Variants in PBX3 observed in about 807,000 individuals in gnomAD.
PBX3 encodes the protein PBX homeobox 3, also known as pre-B-cell leukemia transcription factor 3.
Under a neutral mutation model 48.5 loss-of-function variants are expected in PBX3, and 14 were observed. The observed-to-expected ratio is 0.29, with a 90% CI of 0.19 to 0.45. PBX3 has a LOEUF of 0.45. Ranked by LOEUF, PBX3 falls within the 20% of genes least tolerant of loss-of-function variation. The pLI is 1.00. For synonymous variants in PBX3, 210 were observed against 200.3 expected (o/e 1.05, Z -0.41); for missense variants, 386 against 546.7 (o/e 0.71, Z 2.93).
chr9:125,819,625 A>G (rs1838588458), intron 2 of PBX3, among the ~76,000 whole-genome samples: 1 of 152,188 alleles, frequency 6.6e-6, no homozygotes, highest in Non-Finnish European at 1.5e-5. Flanking sequence ...CCCTGCTTGT[A>G]AGAAGAGGGT....
At chr9:125,834,238 C>T (rs189760981) in intron 2 of PBX3, among the ~76,000 whole-genome samples, 1 of 152,086 alleles carries the variant, frequency 6.6e-6, no homozygotes, top group Non-Finnish European at 1.5e-5. Flanking sequence ...GGGAAGGTTT[C>T]TGTAAGAGAA....
At chr9:125,948,367 A>C (rs1003289768) in intron 5 of PBX3, among the ~76,000 whole-genome samples, 27 of 152,216 alleles carry the variant, frequency 1.8e-4, no homozygotes, top group African/African-American at 6.3e-4. Context: ...TCAGTAAATA[A>C]ATTTTAAACA....
At chr9:125,859,888 A>G (rs1839817306) in intron 2 of PBX3, among the ~76,000 whole-genome samples, 1 of 152,208 alleles carries the variant, frequency 6.6e-6, no homozygotes, top group Non-Finnish European at 1.5e-5. Flanking sequence ...CTCTTCTTAT[A>G]TAGGGTTGGC....
intron 2 of PBX3, among the ~76,000 whole-genome samples, chr9:125,782,003 A>G (rs1837333465): frequency 6.6e-6 from 1 of 151,740 alleles, no homozygotes; most frequent in South Asian, 2.1e-4. Flanking sequence ...TTTGTGTATA[A>G]TTTTTGGATA....
At chr9:125,865,810 A>G (rs1839965391) in intron 2 of PBX3, among the ~76,000 whole-genome samples, 1 of 152,186 alleles carries the variant, frequency 6.6e-6, no homozygotes, top group South Asian at 2.1e-4. Flanking sequence ...GAAGAATATG[A>G]AATTGTCATT....
intron 2 of PBX3, among the ~76,000 whole-genome samples, chr9:125,830,053 A>G (rs997658595): frequency 6.6e-6 from 1 of 152,206 alleles, no homozygotes; most frequent in African/African-American, 2.4e-5. Context: ...AGCTCTTACA[A>G]CAGGAAGCTT....
At chr9:125,952,299 C>G (rs181110857) in intron 5 of PBX3, among the ~76,000 whole-genome samples, 9 of 152,262 alleles carry the variant, frequency 5.9e-5, no homozygotes. Context: ...AGTGCAGATC[C>G]TCTCCCTGAC....
chr9:125,814,653 G>C (rs1241090535), intron 2 of PBX3, among the ~76,000 whole-genome samples: 1 of 152,132 alleles, frequency 6.6e-6, no homozygotes, highest in Non-Finnish European at 1.5e-5. Flanking sequence ...CATGATTATT[G>C]ACCAGTACTG....
At chr9:125,845,157 G>A (rs1839395792) in intron 2 of PBX3, among the ~76,000 whole-genome samples, 1 of 151,734 alleles carries the variant, frequency 6.6e-6, no homozygotes, top group African/African-American at 2.4e-5. Flanking sequence ...TAAATCTTTC[G>A]GAAAACCTTG....
intron 2 of PBX3, among the ~76,000 whole-genome samples, chr9:125,856,398 A>G (rs909308439): frequency 1.3e-5 from 2 of 152,146 alleles, no homozygotes; most frequent in African/African-American, 4.8e-5. Context: ...TAATCTGGGC[A>G]TAAACACAAG....
intron 2 of PBX3, among the ~76,000 whole-genome samples, chr9:125,771,989 G>A (rs931680558): frequency 2.0e-5 from 3 of 152,148 alleles, no homozygotes; most frequent in South Asian, 4.1e-4. Context: ...TATAATTTAT[G>A]TTATGGCAGG....
intron 2 of PBX3, among the ~76,000 whole-genome samples, chr9:125,789,239 G>A (rs1366208968): frequency 6.6e-6 from 1 of 152,144 alleles, no homozygotes; most frequent in African/African-American, 2.4e-5. Flanking sequence ...GCTGCATAAG[G>A]AATAGCCCTA....
intron 5 of PBX3, among the ~76,000 whole-genome samples, chr9:125,951,668 C>T (rs560991528): frequency 2.4e-4 from 37 of 152,246 alleles, no homozygotes; most frequent in African/African-American, 8.4e-4. Flanking sequence ...TCACAACAGC[C>T]CCATGAGAAG....
At chr9:125,751,020 TC>T (rs1836360675) in intron 2 of PBX3, among the ~76,000 whole-genome samples, 1 of 152,146 alleles carries the variant, frequency 6.6e-6, no homozygotes, top group Non-Finnish European at 1.5e-5. Flanking sequence ...GCCCCCCCAC[TC>T]CTGCTTCCAT....
chr9:125,749,431 G>A (rs1836304494), intron 2 of PBX3: 1 of 152,196 alleles, frequency 6.6e-6, no homozygotes, highest in African/African-American at 2.4e-5. Flanking sequence ...GTCTTGACGT[G>A]AGGTAACTGC....
chr9:125,816,760 T>C (rs1838477272), intron 2 of PBX3, among the ~76,000 whole-genome samples: 1 of 152,226 alleles, frequency 6.6e-6, no homozygotes, highest in Non-Finnish European at 1.5e-5. Context: ...TGTTTGTGTG[T>C]GTGTATATAC....
intron 2 of PBX3, among the ~76,000 whole-genome samples, chr9:125,812,414 T>G (rs563042433): frequency 3.9e-5 from 6 of 152,384 alleles, no homozygotes; most frequent in African/African-American, 1.2e-4. Flanking sequence ...ATATTATGGA[T>G]GTAGTCTGCT....
chr9:125,816,866 T>C (rs1328223914), intron 2 of PBX3, among the ~76,000 whole-genome samples: 2 of 152,358 alleles, frequency 1.3e-5, no homozygotes, highest in Non-Finnish European at 2.9e-5. Context: ...TTTTATCCTT[T>C]ACCAGTTCTC....
At chr9:125,818,786 C>T in intron 2 of PBX3, among the ~76,000 whole-genome samples, 1 of 152,172 alleles carries the variant, frequency 6.6e-6, no homozygotes, top group East Asian at 1.9e-4. Flanking sequence ...AGCCACTGCA[C>T]TCAGCCTTGA....
Sources: gnomAD v4.1 joint callset for allele counts (sites outside exome capture counted in the v4.1 genomes callset) on GRCh38, gnomAD v4.1.1 for gene constraint, MANE v1.5 for transcripts, NCBI Gene and HGNC (gene_info 2026-07-23, HGNC 2026-07-21) for gene names.